TRIM33: variants seen among roughly 807,000 people sequenced by gnomAD.
TRIM33 encodes the protein tripartite motif containing 33, also known as E3 ubiquitin-protein ligase TRIM33.
In TRIM33, 20 loss-of-function variants were observed where a neutral mutation model predicts 125.4. The observed-to-expected ratio is 0.16, with a 90% confidence interval of 0.11 to 0.23. TRIM33 has a LOEUF of 0.23. Among genes scored for constraint, TRIM33 ranks in the 10% least tolerant of loss-of-function variants. The pLI is 1.00. For synonymous variants in TRIM33, 564 were observed against 513.9 expected, an observed-to-expected ratio of 1.10 and a Z score of -1.32; for missense variants, 920 against 1,411.4, an observed-to-expected ratio of 0.65 and a Z score of 5.58.
intron 17 of TRIM33, among the ~76,000 whole-genome samples, chr1:114,400,556 C>T (rs1651809954): frequency 6.6e-6 from 1 of 152,174 alleles, no homozygotes; most frequent in Admixed American, 6.5e-5. Flanking sequence ...TCATTTTCTA[C>T]TTTAAAATCC....
intron 11 of TRIM33, among the ~76,000 whole-genome samples, chr1:114,416,530 T>C (rs1294671633): frequency 6.6e-6 from 1 of 152,208 alleles, no homozygotes; most frequent in Non-Finnish European, 1.5e-5. Flanking sequence ...AACTCACTTC[T>C]GTATTACTCC....
intron 11 of TRIM33, among the ~76,000 whole-genome samples, chr1:114,419,017 G>A (rs902935584): frequency 6.6e-6 from 1 of 151,852 alleles, no homozygotes; most frequent in Non-Finnish European, 1.5e-5. Flanking sequence ...AGACCAGCCT[G>A]GTCAACATGA....
intron 4 of TRIM33, among the ~76,000 whole-genome samples, chr1:114,461,298 A>ATATT (rs71580622): frequency 0.076 from 10,821 of 143,228 alleles, 498 homozygotes; most frequent in African/African-American, 0.13. Flanking sequence ...ATATTTATAT[A>ATATT]TTATATTTTA....
At chr1:114,419,200 CAAAA>C (rs35757503) in intron 11 of TRIM33, among the ~76,000 whole-genome samples, 1 of 54,324 alleles carries the variant, frequency 1.8e-5, no homozygotes, top group Non-Finnish European at 3.8e-5. Flanking sequence ...GACACCATCT[CAAAA>C]AAAAAAAAAA....
chr1:114,427,078 G>A, intron 8 of TRIM33, 99 bp downstream of exon 8: 1 of 580,682 alleles, frequency 1.7e-6, no homozygotes. Context: ...TAAAACATTA[G>A]TTTTATAAAG....
At chr1:114,508,228 A>G (rs74761800) in intron 1 of TRIM33, among the ~76,000 whole-genome samples, 1,562 of 152,240 alleles carry the variant, frequency 0.01, 23 homozygotes, top group African/African-American at 0.035. Context: ...AGTCCCTTCC[A>G]CTTACTCCCC....
intron 4 of TRIM33, among the ~76,000 whole-genome samples, chr1:114,443,222 A>C (rs1381502382): frequency 1.3e-5 from 2 of 151,680 alleles, no homozygotes; most frequent in African/African-American, 4.9e-5. Flanking sequence ...TCACTACTAA[A>C]AATACAAAAA....
chr1:114,422,301 T>C (rs927724039), intron 10 of TRIM33, among the ~76,000 whole-genome samples: 2 of 152,240 alleles, frequency 1.3e-5, no homozygotes, highest in African/African-American at 4.8e-5. Flanking sequence ...TGTAGAGGTA[T>C]ACCCAAAGTC....
chr1:114,395,337 C>A lies in TRIM33; in HGVS notation c.*2311G>T. ...TAACCAATCTTAAAACCAAAAAAAC[C>A]TAAAAACTCTATCTAACATGTAATT... On this transcript the variant is annotated 3_prime_UTR_variant, in exon 20 of 20. Transcript: ENST00000358465. The A allele has an allele frequency of 4.9e-6, 1 of 202,978 alleles. No homozygotes were observed. 12.6% of individuals were successfully genotyped at this position (202,978 alleles called of 1,614,324 possible). A position where few individuals can be genotyped will look rare whatever the true frequency, so the allele number is the denominator to read the frequency against.
chr1:114,497,504 T>C (rs906202696), intron 1 of TRIM33, among the ~76,000 whole-genome samples: 1 of 150,622 alleles, frequency 6.6e-6, no homozygotes. Context: ...TTTCACCACA[T>C]TGGCGAGGCT....
At chr1:114,410,464 C>G in intron 11 of TRIM33, 148 bp from the exon 12 acceptor site, 1 of 778,246 alleles carries the variant, frequency 1.3e-6, no homozygotes, top group Non-Finnish European at 2.0e-6. Context: ...TTAGGGTCCA[C>G]TGAGGGCCCA....
chr1:114,412,477 A>G (rs1283703607), intron 11 of TRIM33, among the ~76,000 whole-genome samples: 6 of 152,206 alleles, frequency 3.9e-5, no homozygotes, highest in Non-Finnish European at 7.3e-5. Context: ...TAGTGAACAG[A>G]TCATATCTAT....
intron 1 of TRIM33, among the ~76,000 whole-genome samples, chr1:114,470,451 C>G (rs972597250): frequency 6.6e-6 from 1 of 152,140 alleles, no homozygotes; most frequent in Non-Finnish European, 1.5e-5. Flanking sequence ...CCAATGAAAA[C>G]AGCAAACTTA....
At chr1:114,464,449 T>C in intron 1 of TRIM33, 61 bp from the exon 2 acceptor site, 1 of 943,234 alleles carries the variant, frequency 1.1e-6, no homozygotes, top group Non-Finnish European at 1.6e-6. Flanking sequence ...TTGTGCATGA[T>C]GTCCATATAG....
intron 6 of TRIM33, among the ~76,000 whole-genome samples, chr1:114,430,212 G>A (rs567441937): frequency 6.7e-6 from 1 of 149,356 alleles, no homozygotes; most frequent in East Asian, 2.0e-4. Context: ...TTGCCTTTAC[G>A]TACATCACAT....
At chr1:114,410,357 A>T in intron 11 of TRIM33, 41 bp from the exon 12 acceptor site, 1 of 1,583,540 alleles carries the variant, frequency 6.3e-7, no homozygotes, top group Non-Finnish European at 8.6e-7. Flanking sequence ...CTTTGATTAA[A>T]GCAGAGAAGT....
intron 4 of TRIM33, among the ~76,000 whole-genome samples, chr1:114,436,400 CAAAAAAA>C (rs765728045): frequency 2.0e-4 from 8 of 40,858 alleles, no homozygotes; most frequent in East Asian, 1.1e-3. Context: ...GACTCTGTCT[CAAAAAAA>C]AAAAAAAAAA....
At chr1:114,498,717 G>C (rs1471340867) in intron 1 of TRIM33, among the ~76,000 whole-genome samples, 1 of 152,096 alleles carries the variant, frequency 6.6e-6, no homozygotes, top group Non-Finnish European at 1.5e-5. Flanking sequence ...GAATGTCAGT[G>C]GAGCAAGAAA....
At chr1:114,436,400 C>CGA (rs1553211564) in intron 4 of TRIM33, among the ~76,000 whole-genome samples, 1 of 40,854 alleles carries the variant, frequency 2.4e-5, no homozygotes, top group African/African-American at 8.3e-5. Flanking sequence ...GACTCTGTCT[C>CGA]AAAAAAAAAA....
Sources: gnomAD v4.1 joint callset for allele counts (sites outside exome capture counted in the v4.1 genomes callset) on GRCh38, gnomAD v4.1.1 for gene constraint, MANE v1.5 for transcripts, NCBI Gene and HGNC (gene_info 2026-07-23, HGNC 2026-07-21) for gene names.